The following AFF3 variants were observed in gnomAD, a reference collection of about 807,000 sequenced individuals.
AFF3 encodes AF4/FMR2 family member 3.
AFF3 carries 32 observed loss-of-function variants against 129.7 expected under a neutral mutation model. The observed-to-expected ratio is 0.25, with a 90% CI of 0.19 to 0.33. The LOEUF is 0.33. Among genes scored for constraint, AFF3 ranks in the 10% least tolerant of loss-of-function variants. The pLI, the probability that AFF3 is intolerant of heterozygous loss-of-function variation, is 1.00. For synonymous variants in AFF3, 644 were observed against 635.4 expected (o/e 1.01, Z -0.20); for missense variants, 1,373 against 1,592.0 (o/e 0.86, Z 2.34).
intron 4 of AFF3, among the ~76,000 whole-genome samples, chr2:100,067,041 G>A (rs548299219): frequency 6.6e-6 from 1 of 152,072 alleles, no homozygotes; most frequent in Non-Finnish European, 1.5e-5. Flanking sequence ...TCAACTCCAG[G>A]GTTATGCCCT....
At chr2:99,585,671 G>A (rs1002059326) in intron 16 of AFF3, among the ~76,000 whole-genome samples, 3 of 152,184 alleles carry the variant, frequency 2.0e-5, no homozygotes, top group African/African-American at 7.2e-5. Flanking sequence ...TTTAGCAGGA[G>A]CAGTAGTACA....
rs565169910 is a variant in AFF3, at chr2:99,848,493, T to TA, written c.874-10970dup. On this transcript the variant is annotated intron_variant, in intron 7 of 24. Transcript: ENST00000672756. ...CCTTTGGCTTCTCTCAAGAGAATAT[T>TA]AGAGTATAGAATTGATCATAAAGCA... Among the ~76,000 whole-genome samples the TA allele has an allele frequency of 1.6e-3, 242 of 152,270 alleles. 2 individuals are homozygous for TA. In the South Asian group the frequency reaches 0.019, roughly 12 times the overall value.
chr2:99,649,553 A>G, intron 13 of AFF3, 73 bp downstream of exon 13: 1 of 1,506,500 alleles, frequency 6.6e-7, no homozygotes, highest in South Asian at 1.2e-5. Context: ...CCGATTATGA[A>G]TTATATGCCA....
chr2:99,699,596 C>T (rs868736691), intron 11 of AFF3, among the ~76,000 whole-genome samples: 7 of 137,644 alleles, frequency 5.1e-5, no homozygotes, highest in East Asian at 2.3e-4. Flanking sequence ...GTATCTCAGA[C>T]GGTAGTGCCC....
chr2:100,035,521 C>T (rs115789952), intron 4 of AFF3, among the ~76,000 whole-genome samples: 1,931 of 152,250 alleles, frequency 0.013, 41 homozygotes, highest in African/African-American at 0.044. Flanking sequence ...TCAGCCTTAG[C>T]GAAGAAGCAC....
chr2:99,824,476 T>TA (rs1234087587), intron 8 of AFF3, among the ~76,000 whole-genome samples: 2 of 152,052 alleles, frequency 1.3e-5, no homozygotes, highest in South Asian at 4.1e-4. Context: ...GAAGTCACAA[T>TA]AAAAAAGGCA....
chr2:99,609,148 A>G (rs951769756), intron 13 of AFF3, among the ~76,000 whole-genome samples: 5 of 151,986 alleles, frequency 3.3e-5, no homozygotes, highest in Non-Finnish European at 5.9e-5. Flanking sequence ...AAGAATGGCT[A>G]CTCCATAGAC....
At chr2:100,140,616 C>T (rs1252474132) in intron 1 of AFF3, among the ~76,000 whole-genome samples, 1 of 152,180 alleles carries the variant, frequency 6.6e-6, no homozygotes, top group Non-Finnish European at 1.5e-5. Flanking sequence ...ATGCCGAGCA[C>T]CACGTCTCAC....
intron 4 of AFF3, among the ~76,000 whole-genome samples, chr2:100,014,869 C>T (rs1223648119): frequency 2.7e-5 from 4 of 150,120 alleles, no homozygotes; most frequent in African/African-American, 4.9e-5. Context: ...CTGCAACCTC[C>T]GCCTCCCAGG....
intron 8 of AFF3, among the ~76,000 whole-genome samples, chr2:99,799,115 A>G (rs1044799223): frequency 6.6e-6 from 1 of 152,068 alleles, no homozygotes; most frequent in Non-Finnish European, 1.5e-5. Flanking sequence ...AATGCCATGT[A>G]TACTAGTATC....
chr2:99,996,846 C>T (rs1680887686), intron 7 of AFF3, among the ~76,000 whole-genome samples: 1 of 152,102 alleles, frequency 6.6e-6, no homozygotes, highest in East Asian at 1.9e-4. Context: ...CCCAAAAACT[C>T]TCATCAAGGG....
intron 14 of AFF3, among the ~76,000 whole-genome samples, chr2:99,598,794 C>T (rs946789002): frequency 6.6e-6 from 1 of 152,224 alleles, no homozygotes; most frequent in Non-Finnish European, 1.5e-5. Flanking sequence ...CCAGCTCCGC[C>T]AGACCAGGCA....
chr2:99,835,721 T>A (rs974647339), intron 8 of AFF3, among the ~76,000 whole-genome samples: 2 of 152,164 alleles, frequency 1.3e-5, no homozygotes, highest in South Asian at 4.1e-4. Context: ...TGGAGCTCAG[T>A]TGCCTCCTAA....
intron 1 of AFF3, among the ~76,000 whole-genome samples, chr2:100,132,952 C>T (rs374903257): frequency 2.1e-4 from 31 of 148,778 alleles, no homozygotes; most frequent in East Asian, 4.0e-4. Context: ...TTTTTAGATA[C>T]GGGGTTTTGC....
At chr2:99,857,816 T>G (rs1246964496) in intron 7 of AFF3, among the ~76,000 whole-genome samples, 1 of 152,194 alleles carries the variant, frequency 6.6e-6, no homozygotes, top group African/African-American at 2.4e-5. Flanking sequence ...GAAGTCCTTC[T>G]CCTCAAATTG....
intron 8 of AFF3, among the ~76,000 whole-genome samples, chr2:99,766,380 A>G (rs1683021788): frequency 6.6e-6 from 1 of 152,240 alleles, no homozygotes; most frequent in African/African-American, 2.4e-5. Context: ...TAAATCACTG[A>G]ATGGCATTGC....
At chr2:99,672,416 G>T in intron 12 of AFF3, 122 bp downstream of exon 12, 1 of 834,374 alleles carries the variant, frequency 1.2e-6, no homozygotes, top group South Asian at 1.7e-5. Context: ...CTCACACTTA[G>T]CAGACAAAAG....
At chr2:100,016,843 T>C (rs921467624) in intron 4 of AFF3, among the ~76,000 whole-genome samples, 1 of 151,402 alleles carries the variant, frequency 6.6e-6, no homozygotes, top group Non-Finnish European at 1.5e-5. Context: ...GTGGTAATGG[T>C]GGTGGTGATG....
At chr2:100,095,316 C>A (rs1236282931) in intron 4 of AFF3, among the ~76,000 whole-genome samples, 1 of 152,050 alleles carries the variant, frequency 6.6e-6, no homozygotes, top group East Asian at 1.9e-4. Flanking sequence ...CTCTCTCCTC[C>A]CCCACAATCT....
Sources: gnomAD v4.1 joint callset for allele counts (sites outside exome capture counted in the v4.1 genomes callset) on GRCh38, gnomAD v4.1.1 for gene constraint, MANE v1.5 for transcripts, NCBI Gene and HGNC (gene_info 2026-07-23, HGNC 2026-07-21) for gene names.